RRM1: variants seen among roughly 807,000 people sequenced by gnomAD.
RRM1 encodes ribonucleoside-diphosphate reductase large subunit.
In RRM1, 19 loss-of-function variants were observed where a neutral mutation model predicts 101.5. The observed-to-expected ratio is 0.19, with a 90% CI of 0.13 to 0.27. The LOEUF (loss-of-function observed/expected upper bound fraction) is 0.27. Among genes scored for constraint, RRM1 ranks in the 10% least tolerant of loss-of-function variants. The pLI is 1.00. For missense variants in RRM1, 500 were observed against 962.9 expected (o/e 0.52, Z 6.36); for synonymous variants, 298 against 323.4 (o/e 0.92, Z 0.84).
intron 4 of RRM1, 38 bp from the exon 5 acceptor site, chr11:4,109,606 T>G: frequency 6.5e-7 from 1 of 1,542,880 alleles, no homozygotes; most frequent in Non-Finnish European, 8.8e-7. Flanking sequence ...TAAGTAATTA[T>G]TTTAATTTAA....
chr11:4,123,405 C>G (rs764067935), intron 12 of RRM1, 21 bp downstream of exon 12: 44 of 1,576,988 alleles, frequency 2.8e-5, no homozygotes, highest in Non-Finnish European at 3.7e-5. Flanking sequence ...AAAATTCTTC[C>G]TAGAGTACTA....
In RRM1 at chr11:4,132,541, C is replaced by A; in HGVS notation, c.1905+120C>A. 2.4e-6 allele frequency: 2 copies of A among 819,448 alleles called. No individual in the cohort carries two copies. The highest frequency in any genetic ancestry group is 3.9e-6 in the Non-Finnish European group (2 of 510,650). The allele number at this position is 819,448 out of a possible 1,614,324, so 50.8% of individuals were successfully genotyped here. ...GTTTGGGTGCAAACTTTGATAAAGA[C>A]AGTCATCTTCATCTCTAATATTATT... On this transcript the variant is annotated intron_variant, in intron 16 of 18. Transcript: ENST00000300738. This position sits in a 1 kb window ranked among gnomAD's most constrained non-coding sequence, Gnocchi z 4.1.
At position 4,123,278 on chromosome 11, in the gene RRM1, T is replaced by C. The variant is rs1387756614; in HGVS notation, c.1214T>C (p.Met405Thr). The change falls in exon 12 of 19, where the codon ATG becomes ACG. Residue 405 changes from methionine (M) to threonine (T), a missense_variant. Coordinates refer to ENST00000300738, the MANE Select transcript of RRM1 (RefSeq NM_001033.5). ...CAGACGGAAACAGGCACCCCGTATATGCTCTACAAAGATTCCTGTAATCGA... is the reference window on the plus strand; with the variant it reads ...CAGACGGAAACAGGCACCCCGTATACGCTCTACAAAGATTCCTGTAATCGA... ...ESQTETGTPYMLYKDSCNRKS... is the reference protein window; with the variant it reads ...ESQTETGTPYTLYKDSCNRKS... 2 of 1,614,056 alleles carry C rather than the reference T, an allele frequency of 1.2e-6. No individual in the cohort carries two copies. Among genetic ancestry groups the C allele is most frequent in the Non-Finnish European group, 1.7e-6 (2 of 1,180,022 alleles).
chr11:4,131,709 A>G (rs1298910155), intron 15 of RRM1, among the ~76,000 whole-genome samples: 1 of 152,202 alleles, frequency 6.6e-6, no homozygotes, highest in Non-Finnish European at 1.5e-5. Flanking sequence ...TAGTCAAAAG[A>G]TGTTAACCTT....
intron 15 of RRM1, among the ~76,000 whole-genome samples, chr11:4,130,068 A>T (rs1289813856): frequency 4.5e-5 from 4 of 87,992 alleles, no homozygotes; most frequent in African/African-American, 2.5e-4. Context: ...TACTGTATTT[A>T]TATATATATA....
chr11:4,114,112 G>A (rs1318881719), intron 7 of RRM1, among the ~76,000 whole-genome samples: 1 of 152,004 alleles, frequency 6.6e-6, no homozygotes, highest in East Asian at 1.9e-4. Context: ...TCCAGCCTGG[G>A]CAACAGAGCG....
intron 12 of RRM1, among the ~76,000 whole-genome samples, chr11:4,123,968 T>A (rs2094585650): frequency 6.6e-6 from 1 of 152,044 alleles, no homozygotes; most frequent in Non-Finnish European, 1.5e-5. Flanking sequence ...TTTGGTGTTT[T>A]AAAAAAAAGT....
chr11:4,111,972 T>C lies in RRM1; in HGVS notation c.560T>C (p.Ile187Thr), dbSNP rs1255390944. Reference sequence around the variant, plus strand: ...CACAAAGAAGACATTGATGCAGCAATTGAAACATATAATCTTCTTTCTGAG... The same window carrying C: ...CACAAAGAAGACATTGATGCAGCAACTGAAACATATAATCTTCTTTCTGAG... The part of the protein sequence containing the change: ...GIHKEDIDAA[I>T]ETYNLLSERW... Residue 187 changes from isoleucine to threonine, a missense_variant, in exon 7 of 19, where the codon ATT (isoleucine) becomes ACT (threonine). Around this residue, in one of 9 missense-constraint regions of RRM1, gnomAD observed 111 missense variants for 219.8 expected, o/e 0.51. Coordinates refer to ENST00000300738, the MANE Select transcript of RRM1 (RefSeq NM_001033.5). 1 of 1,614,098 alleles carries C rather than the reference T, an allele frequency of 6.2e-7. No individual in the cohort carries two copies. The highest frequency in any genetic ancestry group is 8.5e-7 in the Non-Finnish European group (1 of 1,179,956).
intron 5 of RRM1, among the ~76,000 whole-genome samples, chr11:4,110,627 G>C (rs1565181757): frequency 6.6e-6 from 1 of 151,616 alleles, no homozygotes; most frequent in Admixed American, 6.6e-5. Flanking sequence ...AAATTAGCTG[G>C]GCATGGTGGT....
chr11:4,094,874 T>G lies in RRM1; in HGVS notation c.-139T>G. On this transcript the variant is annotated 5_prime_UTR_variant, in exon 1 of 19. Transcript: ENST00000300738. The stretch of plus-strand genomic sequence containing the variant: ...CGCCTCTGCTCTGAAGAAAGTGCTG[T>G]CTGGCTCCAACTCCAGTTCTTTCCC... 1.2e-6 allele frequency: 1 copy of G among 869,470 alleles called. No individual in the cohort carries two copies. The highest frequency in any genetic ancestry group is 2.7e-5 in the East Asian group (1 of 37,430). The allele number at this position is 869,470 out of a possible 1,614,324, so 53.9% of individuals were successfully genotyped here.
chr11:4,095,043 A>G lies in RRM1; in HGVS notation c.19+12A>G, dbSNP rs988084705. ...TGTGATCAAGCGAGGTGAGGGGGGG[A>G]CGAGGTGGGCGAGAAGGAAGGTGAG... On this transcript the variant is annotated intron_variant, in intron 1 of 18. Transcript: ENST00000300738. 3 of 1,568,010 alleles carry G rather than the reference A, an allele frequency of 1.9e-6. No homozygotes were observed. Among genetic ancestry groups the G allele is most frequent in the East Asian group, 4.7e-5 (2 of 42,322 alleles).
At chr11:4,137,966 C>A (rs2094616135) in intron 18 of RRM1, 1 of 110,616 alleles carries the variant, frequency 9.0e-6, no homozygotes, top group Non-Finnish European at 1.9e-5. Flanking sequence ...CCACCTCCTT[C>A]CCAGATGGGG....
At chr11:4,111,834 C>T in intron 6 of RRM1, 66 bp from the exon 7 acceptor site, 3 of 1,463,740 alleles carry the variant, frequency 2.0e-6, no homozygotes, top group Non-Finnish European at 2.8e-6. Flanking sequence ...TTCTGAAATT[C>T]AAATACGTAT....
At chr11:4,095,138 C>A in intron 1 of RRM1, 107 bp downstream of exon 1, 1 of 1,252,336 alleles carries the variant, frequency 8.0e-7, no homozygotes, top group Non-Finnish European at 1.1e-6. Context: ...TCCCGCCTTT[C>A]CCGCATTTCC....
chr11:4,131,355 T>A (rs1217721532), intron 15 of RRM1, among the ~76,000 whole-genome samples: 1 of 152,052 alleles, frequency 6.6e-6, no homozygotes, highest in African/African-American at 2.4e-5. Flanking sequence ...CAAGATGAGA[T>A]TTGGGTGGGG....
At chr11:4,119,584 A>G (rs1180886456) in intron 8 of RRM1, 8 of 381,618 alleles carry the variant, frequency 2.1e-5, no homozygotes, top group Non-Finnish European at 3.3e-5. Context: ...TTGATTTTGG[A>G]TCCCTTTGGC....
chr11:4,102,713 T>A (rs1466588782), intron 2 of RRM1, among the ~76,000 whole-genome samples: 3 of 152,000 alleles, frequency 2.0e-5, no homozygotes, highest in Non-Finnish European at 2.9e-5. Flanking sequence ...GTTATTTAGG[T>A]AGGGACTGGT....
In RRM1 at chr11:4,123,373, A is replaced by G. The variant is rs2094584688; in HGVS notation, c.1309A>G (p.Ser437Gly). Residue 437 changes from serine to glycine, a missense_variant, in exon 12 of 19, where the codon AGC becomes GGC. By Grantham distance (56) the Ser-to-Gly change is moderately conservative. Transcript: ENST00000300738. ...GTGCACAGAAATAGTGGAGTACACC[A>G]GCAAAGATGAGGTAGGTAGAAAAAA... The part of the protein sequence containing the change: ...NLCTEIVEYT[S>G]KDEVAVCNLA... The G allele has an allele frequency of 1.2e-6, 2 of 1,613,936 alleles. No individual in the cohort carries two copies. Among genetic ancestry groups the G allele is most frequent in the South Asian group, 2.2e-5 (2 of 91,078 alleles).
intron 2 of RRM1, 44 bp from the exon 3 acceptor site, chr11:4,106,002 G>A (rs1428906926): frequency 5.2e-6 from 8 of 1,540,760 alleles, no homozygotes; most frequent in Non-Finnish European, 7.1e-6. Context: ...GGAAGCTATT[G>A]TTTCTTGGGA....
Sources: allele counts gnomAD v4.1 joint callset (sites outside exome capture counted in the v4.1 genomes callset), GRCh38; gene constraint gnomAD v4.1.1; regional missense constraint gnomAD v4.1.1; non-coding constraint Gnocchi (gnomAD v3.1); transcripts MANE v1.5; gene names NCBI Gene and HGNC (gene_info 2026-07-23, HGNC 2026-07-21).